The following HHAT variants were observed in gnomAD, a reference collection of about 807,000 sequenced individuals.
HHAT encodes the protein protein-cysteine N-palmitoyltransferase HHAT.
A neutral mutation model predicts 70.8 loss-of-function variants in HHAT; 47 were observed. The observed-to-expected ratio is 0.66, with a 90% CI of 0.53 to 0.85. The LOEUF (loss-of-function observed/expected upper bound fraction) is 0.85. Among genes scored for constraint, HHAT ranks in the 40% least tolerant of loss-of-function variants. The probability of loss-of-function intolerance (pLI) is 0.00; values close to 1 mark genes in which losing one functional copy is unlikely to be tolerated. For synonymous variants in HHAT, 228 were observed against 247.6 expected (o/e 0.92, Z 0.74); for missense variants, 609 against 604.8 (o/e 1.01, Z -0.07).
chr1:210,414,616 A>G (rs1358651632), intron 6 of HHAT, among the ~76,000 whole-genome samples: 1 of 152,212 alleles, frequency 6.6e-6, no homozygotes, highest in Non-Finnish European at 1.5e-5. Context: ...CATTTGGAGA[A>G]GCAGGATGAA....
intron 10 of HHAT, among the ~76,000 whole-genome samples, chr1:210,607,731 C>CTT (rs1291802257): frequency 1.4e-5 from 2 of 146,772 alleles, no homozygotes; most frequent in African/African-American, 5.0e-5. Context: ...GTTTTCTTTT[C>CTT]TTTTTTTTTT....
intron 9 of HHAT, among the ~76,000 whole-genome samples, chr1:210,516,145 A>T (rs1045990625): frequency 9.2e-5 from 14 of 152,172 alleles, no homozygotes; most frequent in African/African-American, 3.1e-4. Context: ...ACCCAGCACC[A>T]TTTATGACTG....
chr1:210,590,271 C>T (rs576297450), intron 10 of HHAT: 1 of 152,200 alleles, frequency 6.6e-6, no homozygotes, highest in East Asian at 1.9e-4. Context: ...ACTTAGGTTA[C>T]CCTTCTTCCC....
chr1:210,360,740 A>G (rs1466665996), intron 2 of HHAT, among the ~76,000 whole-genome samples: 1 of 152,190 alleles, frequency 6.6e-6, no homozygotes, highest in African/African-American at 2.4e-5. Flanking sequence ...AAATAGGATT[A>G]TAAAGAATTA....
At chr1:210,515,937 A>G (rs2095048972) in intron 9 of HHAT, among the ~76,000 whole-genome samples, 1 of 151,844 alleles carries the variant, frequency 6.6e-6, no homozygotes, top group African/African-American at 2.4e-5. Flanking sequence ...AGGCGTGGTG[A>G]CACACACCTG....
intron 3 of HHAT, among the ~76,000 whole-genome samples, chr1:210,365,313 T>TTTG (rs1553326907): frequency 8.7e-6 from 1 of 115,520 alleles, no homozygotes; most frequent in African/African-American, 3.4e-5. Context: ...CTGACAGTTT[T>TTTG]TTTTTTTTTT....
chr1:210,673,117 G>A (rs1574150913), intron 11 of HHAT, among the ~76,000 whole-genome samples: 1 of 152,206 alleles, frequency 6.6e-6, no homozygotes, highest in East Asian at 1.9e-4. Flanking sequence ...CCAATCAAAT[G>A]ACCCTCCTGA....
intron 7 of HHAT, among the ~76,000 whole-genome samples, chr1:210,423,738 G>A (rs2092973609): frequency 6.6e-6 from 1 of 152,140 alleles, no homozygotes; most frequent in South Asian, 2.1e-4. Flanking sequence ...TGGGGGTCTG[G>A]TTCCATTCTT....
intron 8 of HHAT, among the ~76,000 whole-genome samples, chr1:210,464,944 G>T (rs2094068627): frequency 1.3e-5 from 2 of 152,160 alleles, no homozygotes; most frequent in Non-Finnish European, 2.9e-5. Context: ...CCTGGGAAAG[G>T]CTACTGTATC....
At chr1:210,376,583 A>G (rs1474491231) in intron 3 of HHAT, among the ~76,000 whole-genome samples, 1 of 152,192 alleles carries the variant, frequency 6.6e-6, no homozygotes, top group Admixed American at 6.5e-5. Context: ...AGGATGGGGC[A>G]GTGTGCCCTG....
At chr1:210,599,019 G>A (rs746208209) in intron 10 of HHAT, among the ~76,000 whole-genome samples, 5 of 152,028 alleles carry the variant, frequency 3.3e-5, no homozygotes, top group Non-Finnish European at 5.9e-5. Flanking sequence ...GAACATTCAC[G>A]CAAATACTTG....
At chr1:210,570,542 T>C (rs1656010629) in intron 9 of HHAT, among the ~76,000 whole-genome samples, 1 of 152,138 alleles carries the variant, frequency 6.6e-6, no homozygotes, top group Non-Finnish European at 1.5e-5. Context: ...GCCCAGGGGC[T>C]GGTGCTACTG....
rs1157902063 is a variant in HHAT, at chr1:210,329,032, G to A, written c.-116G>A. ...GCCGATGTCGCTGGGACTCGGAAGTGCCGAAAGAGGGGTGTTGGGAACTCG... is the reference window on the plus strand; with the variant it reads ...GCCGATGTCGCTGGGACTCGGAAGTACCGAAAGAGGGGTGTTGGGAACTCG... On this transcript the variant is annotated 5_prime_UTR_variant, in exon 1 of 12. Coordinates refer to ENST00000261458, the MANE Select transcript of HHAT (RefSeq NM_018194.6). The A allele has an allele frequency of 1.4e-6, 2 of 1,425,844 alleles. No individual in the cohort carries two copies. The highest frequency in any genetic ancestry group is 1.8e-6 in the Non-Finnish European group (2 of 1,091,548). 88.3% of individuals were successfully genotyped at this position (1,425,844 alleles called of 1,614,324 possible).
intron 10 of HHAT, among the ~76,000 whole-genome samples, chr1:210,614,137 G>GTTAAGT (rs1456074392): frequency 2.6e-5 from 4 of 151,038 alleles, no homozygotes; most frequent in Non-Finnish European, 5.9e-5. Flanking sequence ...TGCCTCCCTA[G>GTTAAGT]TTAAGTTTAT....
At chr1:210,404,817 G>T (rs535581271) in intron 6 of HHAT, 138 bp downstream of exon 6, 3 of 634,242 alleles carry the variant, frequency 4.7e-6, no homozygotes, top group Non-Finnish European at 8.1e-6. Context: ...TTCTCATGAG[G>T]TTTTTTGTAA....
intron 3 of HHAT, among the ~76,000 whole-genome samples, chr1:210,374,927 A>G (rs1396296527): frequency 6.6e-6 from 1 of 151,822 alleles, no homozygotes; most frequent in African/African-American, 2.4e-5. Flanking sequence ...TTCAGGCCTT[A>G]CCAGTCCTCC....
chr1:210,481,512 C>T (rs768346789), intron 8 of HHAT, among the ~76,000 whole-genome samples: 4 of 152,064 alleles, frequency 2.6e-5, no homozygotes, highest in African/African-American at 7.2e-5. Context: ...ACAATGAAAT[C>T]GCCAAAAACA....
intron 9 of HHAT, among the ~76,000 whole-genome samples, chr1:210,529,367 C>T (rs1344298973): frequency 1.3e-5 from 2 of 150,974 alleles, no homozygotes; most frequent in Non-Finnish European, 2.9e-5. Context: ...AGCTGATGTA[C>T]ATCAGACAGA....
chr1:210,429,880 G>A (rs1160010911), intron 7 of HHAT, among the ~76,000 whole-genome samples: 3 of 151,838 alleles, frequency 2.0e-5, no homozygotes, highest in East Asian at 3.8e-4. Flanking sequence ...GCTTGAATCA[G>A]TTTTTTGAGT....
Sources: allele counts gnomAD v4.1 joint callset (sites outside exome capture counted in the v4.1 genomes callset), GRCh38; gene constraint gnomAD v4.1.1; transcripts MANE v1.5; gene names NCBI Gene and HGNC (gene_info 2026-07-23, HGNC 2026-07-21).